Variants in NUP62CL observed in about 807,000 individuals in gnomAD.
NUP62CL encodes the protein nucleoporin-62 C-terminal-like protein.
NUP62CL carries 13 observed loss-of-function variants against 15.3 expected under a neutral mutation model. That is an observed-to-expected ratio of 0.85 (90% CI 0.55 to 1.35). The LOEUF is 1.35. Among genes scored for constraint, NUP62CL ranks in the 40% most tolerant of loss-of-function variants. NUP62CL has a pLI of 0.00. For missense variants in NUP62CL, 123 were observed against 130.6 expected (o/e 0.94, Z 0.28); for synonymous variants, 54 against 49.2 (o/e 1.10, Z -0.41).
intron 2 of NUP62CL, among the ~76,000 whole-genome samples, chrX:107,189,825 G>C: frequency 2.5e-5 from 1 of 39,400 alleles, no homozygotes; most frequent in South Asian, 2.7e-3. Flanking sequence ...AAAGAAAGAA[G>C]GAGGGAAGGA....
At chrX:107,201,339 C>A (rs566962333) in intron 1 of NUP62CL, among the ~76,000 whole-genome samples, 3 of 111,171 alleles carry the variant, frequency 2.7e-5, no homozygotes, top group African/African-American at 9.8e-5. Flanking sequence ...TCTGTACTCA[C>A]TGAACACTAA....
intron 2 of NUP62CL, among the ~76,000 whole-genome samples, chrX:107,187,027 C>A (rs911541998): frequency 8.9e-6 from 1 of 112,189 alleles, no homozygotes; most frequent in African/African-American, 3.2e-5. Context: ...TCTCCAACTA[C>A]AATTGAATCA....
intron 1 of NUP62CL, among the ~76,000 whole-genome samples, chrX:107,203,863 A>G (rs1258396612): frequency 1.8e-5 from 2 of 111,615 alleles, no homozygotes; most frequent in Middle Eastern, 4.6e-3. Context: ...TCAATGTTGC[A>G]TTAATAAATT....
chrX:107,181,763 A>G (rs1258108727), intron 2 of NUP62CL, among the ~76,000 whole-genome samples: 4 of 111,810 alleles, frequency 3.6e-5, no homozygotes, highest in Non-Finnish European at 7.5e-5. Flanking sequence ...ATTTATTCAC[A>G]TCCTCTTTTA....
intron 3 of NUP62CL, among the ~76,000 whole-genome samples, chrX:107,169,482 T>C (rs1327977172): frequency 8.9e-6 from 1 of 112,208 alleles, no homozygotes; most frequent in East Asian, 2.8e-4. Context: ...CATTTCCTTT[T>C]TGGCCACAAA....
At chrX:107,163,146 G>A (rs1422396464) in intron 4 of NUP62CL, among the ~76,000 whole-genome samples, 2 of 111,607 alleles carry the variant, frequency 1.8e-5, no homozygotes, top group Non-Finnish European at 3.8e-5. Context: ...TTTGATGGCT[G>A]AAGTAAAAAT....
At chrX:107,161,384 A>G (rs1926366037) in intron 4 of NUP62CL, among the ~76,000 whole-genome samples, 4 of 96,388 alleles carry the variant, frequency 4.1e-5, no homozygotes, top group Admixed American at 1.2e-4. Context: ...AACCAACCCA[A>G]ATGTCCAACA....
intron 8 of NUP62CL, among the ~76,000 whole-genome samples, chrX:107,128,727 C>T (rs745519116): frequency 1.8e-5 from 2 of 111,238 alleles, no homozygotes; most frequent in African/African-American, 3.3e-5. Context: ...GTAGAGTACT[C>T]CAGGCAAAAG....
At chrX:107,132,229 G>A in intron 8 of NUP62CL, 1 of 1,094,113 alleles carries the variant, frequency 9.1e-7, no homozygotes, top group Non-Finnish European at 1.3e-6. Flanking sequence ...TATACCTTCT[G>A]AGAAAGTTCT....
At chrX:107,127,829 A>G (rs1925424621) in intron 8 of NUP62CL, among the ~76,000 whole-genome samples, 1 of 112,164 alleles carries the variant, frequency 8.9e-6, no homozygotes, top group African/African-American at 3.2e-5. Context: ...CAAATAGGCA[A>G]CTTATAAAAT....
intron 7 of NUP62CL, 95 bp downstream of exon 7, chrX:107,153,077 C>T: frequency 3.7e-6 from 3 of 819,054 alleles, no homozygotes; most frequent in Non-Finnish European, 5.0e-6. Flanking sequence ...ATTTGTATTC[C>T]TTGCCTTCCA....
chrX:107,167,627 G>A, intron 4 of NUP62CL, 22 bp downstream of exon 4: 2 of 1,096,051 alleles, frequency 1.8e-6, no homozygotes, highest in Non-Finnish European at 1.2e-6. Context: ...ACACATGCAA[G>A]TTTTTAAATA....
intron 8 of NUP62CL, among the ~76,000 whole-genome samples, chrX:107,146,250 A>G (rs1925880100): frequency 9.0e-6 from 1 of 111,651 alleles, no homozygotes; most frequent in South Asian, 3.8e-4. Context: ...CCTATTCTCC[A>G]GCGATCTTAA....
intron 4 of NUP62CL, among the ~76,000 whole-genome samples, chrX:107,157,665 T>C (rs1433027422): frequency 2.7e-4 from 29 of 108,205 alleles, no homozygotes; most frequent in Non-Finnish European, 2.5e-4. Context: ...TACCAGCCGC[T>C]GCAAAATCAT....
chrX:107,153,906 G>C (rs925400746), intron 5 of NUP62CL, among the ~76,000 whole-genome samples, 190 bp downstream of exon 5: 1 of 111,455 alleles, frequency 9.0e-6, no homozygotes, highest in Non-Finnish European at 1.9e-5. Flanking sequence ...CAGGGAGATC[G>C]AGGCTGCAGT....
intron 2 of NUP62CL, among the ~76,000 whole-genome samples, chrX:107,180,912 G>A (rs759943175): frequency 2.6e-3 from 252 of 97,792 alleles, no homozygotes; most frequent in African/African-American, 8.4e-3. Flanking sequence ...TTATGGTTTC[G>A]CTTTTTTTTT....
chrX:107,132,993 G>A lies in NUP62CL; in HGVS notation c.*43-8661C>T, dbSNP rs192812223. Among the ~76,000 whole-genome samples the A allele has an allele frequency of 1.3e-4, 15 of 111,768 alleles. No homozygotes were observed. The East Asian group carries it at 4.2e-3, about 32-fold the overall frequency. On this transcript the variant is annotated intron_variant, in intron 8 of 8. Coordinates refer to ENST00000372466, the MANE Select transcript of NUP62CL (RefSeq NM_017681.3). ...TGCTGGCAGGAATGCATTCCTTTAT[G>A]GAGTTTTTGGGGTTGGGGGCAAATC...
chrX:107,163,911 C>G (rs1397621275), intron 4 of NUP62CL, among the ~76,000 whole-genome samples: 1 of 111,389 alleles, frequency 9.0e-6, no homozygotes, highest in Non-Finnish European at 1.9e-5. Flanking sequence ...CAATTAAAGG[C>G]GGAGATTTCA....
At chrX:107,179,292 A>G (rs145044141) in intron 2 of NUP62CL, among the ~76,000 whole-genome samples, 2,754 of 110,816 alleles carry the variant, frequency 0.025, 100 homozygotes, top group African/African-American at 0.085. Flanking sequence ...ATATTTTTAA[A>G]TTTTATTTTA....
Sources: allele counts gnomAD v4.1 joint callset (sites outside exome capture counted in the v4.1 genomes callset), GRCh38; gene constraint gnomAD v4.1.1; transcripts MANE v1.5; gene names NCBI Gene and HGNC (gene_info 2026-07-23, HGNC 2026-07-21).